The following UBE3C variants were observed in gnomAD, a reference collection of about 807,000 sequenced individuals.
UBE3C encodes the protein ubiquitin-protein ligase E3C.
In UBE3C, 42 loss-of-function variants were observed where a neutral mutation model predicts 129.4. That is an observed-to-expected ratio of 0.32 (90% confidence interval 0.25 to 0.42). The LOEUF (loss-of-function observed/expected upper bound fraction) is 0.42. Among genes scored for constraint, UBE3C ranks in the 10% least tolerant of loss-of-function variants. The probability of loss-of-function intolerance (pLI) is 1.00; values close to 1 mark genes in which losing one functional copy is unlikely to be tolerated. For missense variants in UBE3C, 1,049 were observed against 1,319.1 expected, an observed-to-expected ratio of 0.80 and a Z score of 3.17; for synonymous variants, 510 against 492.4, an observed-to-expected ratio of 1.04 and a Z score of -0.47.
At chr7:157,217,322 A>ATT (rs71189989) in intron 14 of UBE3C, 45 of 155,934 alleles carry the variant, frequency 2.9e-4, no homozygotes, top group Admixed American at 9.5e-4. Flanking sequence ...AATTTTTGTG[A>ATT]TTTTTTTTTT....
At chr7:157,230,976 C>G (rs371301343) in intron 17 of UBE3C, 104 bp from the exon 18 acceptor site, 1 of 1,468,126 alleles carries the variant, frequency 6.8e-7, no homozygotes, top group African/African-American at 1.4e-5. Flanking sequence ...TAAAATGTCC[C>G]TAAGATCCTC....
intron 18 of UBE3C, among the ~76,000 whole-genome samples, chr7:157,233,085 AC>A (rs1342490167): frequency 6.7e-6 from 1 of 149,764 alleles, no homozygotes; most frequent in Non-Finnish European, 1.5e-5. Context: ...CCACTAGTCT[AC>A]TTTCAGTCTG....
At position 157,267,833 on chromosome 7, in the gene UBE3C, A is replaced by G; in HGVS notation, c.*78A>G. 1 of 1,301,230 alleles carries G rather than the reference A, an allele frequency of 7.7e-7. No individual in the cohort carries two copies. The highest frequency in any genetic ancestry group is 1.0e-6 in the Non-Finnish European group (1 of 963,736). 80.6% of individuals were successfully genotyped at this position (1,301,230 alleles called of 1,614,324 possible). ...AGCGCCTCCCCAGACCCACGAGGAT[A>G]CTCACACTGCACGCCTGAGGCTCTC... is the stretch of plus-strand genomic sequence containing the variant. On this transcript the variant is annotated 3_prime_UTR_variant, in exon 23 of 23. Coordinates refer to ENST00000348165, the MANE Select transcript of UBE3C (RefSeq NM_014671.3).
At chr7:157,183,311 G>C (rs1431242357) in intron 8 of UBE3C, among the ~76,000 whole-genome samples, 1 of 152,162 alleles carries the variant, frequency 6.6e-6, no homozygotes, top group Non-Finnish European at 1.5e-5. Flanking sequence ...GCAAAAATGG[G>C]GGTTCCTCAG....
chr7:157,204,794 T>C (rs1371803637), intron 11 of UBE3C, among the ~76,000 whole-genome samples: 2 of 152,216 alleles, frequency 1.3e-5, no homozygotes, highest in African/African-American at 2.4e-5. Flanking sequence ...GTGTGGGCAG[T>C]AGGTGCTGGT....
chr7:157,209,865 T>G (rs1036393016), intron 13 of UBE3C, among the ~76,000 whole-genome samples: 1 of 152,238 alleles, frequency 6.6e-6, no homozygotes, highest in African/African-American at 2.4e-5. Flanking sequence ...CCTGCCACTT[T>G]ATTCATCATT....
chr7:157,192,850 A>T, intron 10 of UBE3C: 7 of 1,044,022 alleles, frequency 6.7e-6, no homozygotes, highest in Non-Finnish European at 1.0e-5. Context: ...TGAGTTAATA[A>T]AAGACATGAA....
intron 5 of UBE3C, among the ~76,000 whole-genome samples, chr7:157,176,903 T>C (rs892110090): frequency 6.6e-6 from 1 of 152,216 alleles, no homozygotes; most frequent in African/African-American, 2.4e-5. Flanking sequence ...GTACTTCAAG[T>C]GTATGTTAGT....
intron 8 of UBE3C, among the ~76,000 whole-genome samples, chr7:157,183,389 T>C (rs1808720412): frequency 6.6e-6 from 1 of 152,164 alleles, no homozygotes; most frequent in Admixed American, 6.5e-5. Context: ...TGTGCGGGAA[T>C]GGGGAGCTTC....
At chr7:157,167,274 C>T (rs1445139917) in intron 2 of UBE3C, among the ~76,000 whole-genome samples, 1 of 152,048 alleles carries the variant, frequency 6.6e-6, no homozygotes, top group Non-Finnish European at 1.5e-5. Flanking sequence ...GGAACTACAT[C>T]TACATGACCT....
intron 18 of UBE3C, among the ~76,000 whole-genome samples, chr7:157,240,764 G>A (rs1430746920): frequency 1.3e-5 from 2 of 152,206 alleles, no homozygotes; most frequent in Non-Finnish European, 2.9e-5. Context: ...GGGAGTCAGT[G>A]TAGCGGTGGT....
At chr7:157,139,662 G>C (rs1423400108) in intron 1 of UBE3C, among the ~76,000 whole-genome samples, 1 of 152,246 alleles carries the variant, frequency 6.6e-6, no homozygotes, top group Non-Finnish European at 1.5e-5. Flanking sequence ...CGGGCGCGCT[G>C]GCCGTGGCTC....
intron 10 of UBE3C, among the ~76,000 whole-genome samples, chr7:157,201,370 A>G (rs1809275820): frequency 6.6e-6 from 1 of 152,054 alleles, no homozygotes; most frequent in Non-Finnish European, 1.5e-5. Context: ...AATAGTAATT[A>G]TAATATTGTG....
intron 4 of UBE3C, among the ~76,000 whole-genome samples, chr7:157,172,065 C>T (rs999256639): frequency 6.7e-6 from 1 of 149,532 alleles, no homozygotes; most frequent in Non-Finnish European, 1.5e-5. Context: ...GTCTTGCTCA[C>T]TCTGTCGCCC....
intron 1 of UBE3C, among the ~76,000 whole-genome samples, chr7:157,160,682 T>C (rs1808045805): frequency 1.3e-5 from 2 of 152,166 alleles, no homozygotes; most frequent in Non-Finnish European, 2.9e-5. Flanking sequence ...AATTGATCTA[T>C]ATCTTGAGAG....
chr7:157,203,009 T>A (rs1431831639), intron 11 of UBE3C, among the ~76,000 whole-genome samples: 1 of 152,206 alleles, frequency 6.6e-6, no homozygotes, highest in Non-Finnish European at 1.5e-5. Flanking sequence ...ATGAAAACTC[T>A]TGTTGAGATT....
intron 1 of UBE3C, among the ~76,000 whole-genome samples, chr7:157,162,776 C>T (rs967276447): frequency 3.9e-5 from 6 of 151,992 alleles, no homozygotes; most frequent in Non-Finnish European, 5.9e-5. Context: ...CCTTGGCTTC[C>T]CAAAGTGCAG....
At chr7:157,149,077 A>G (rs1807685741) in intron 1 of UBE3C, among the ~76,000 whole-genome samples, 1 of 149,264 alleles carries the variant, frequency 6.7e-6, no homozygotes, top group South Asian at 2.1e-4. Context: ...GTTTTTTGAG[A>G]TAGAGTTTTG....
intron 1 of UBE3C, among the ~76,000 whole-genome samples, chr7:157,140,315 T>C (rs913673557): frequency 1.3e-5 from 2 of 152,142 alleles, no homozygotes; most frequent in Non-Finnish European, 1.5e-5. Context: ...ACTGCTGTTA[T>C]TAAGATTGTG....
Sources: gnomAD v4.1 joint callset for allele counts (sites outside exome capture counted in the v4.1 genomes callset) on GRCh38, gnomAD v4.1.1 for gene constraint, MANE v1.5 for transcripts, NCBI Gene and HGNC (gene_info 2026-07-23, HGNC 2026-07-21) for gene names.